Variants in COL6A3 observed in about 807,000 individuals in gnomAD.
The protein encoded by COL6A3 is collagen type VI alpha 3 chain.
In COL6A3, 137 loss-of-function variants were observed where a neutral mutation model predicts 274.1. The ratio of observed to expected loss-of-function variants is 0.50; its 90% CI spans 0.44 to 0.58. The LOEUF is 0.58. Ranked by LOEUF, COL6A3 falls within the 20% of genes least tolerant of loss-of-function variation. COL6A3 has a pLI of 0.00. For missense variants in COL6A3, 3,950 were observed against 4,124.9 expected (o/e 0.96, Z 1.16); for synonymous variants, 1,650 against 1,650.6 (o/e 1.00, Z 0.01).
chr2:237,394,808 G>A lies in COL6A3; in HGVS notation c.488C>T (p.Ala163Val), dbSNP rs184538194. ...HSKDGLALPS[A>V]ELKSADVNVF... is the part of the protein sequence containing the mutation. Reference sequence around the variant, plus strand: ...GTTAACATCAGCAGACTTAAGTTCCGCTGAGGGCAGAGCAAGGCCATCCTT... The same window carrying A: ...GTTAACATCAGCAGACTTAAGTTCCACTGAGGGCAGAGCAAGGCCATCCTT... Residue 163 changes from alanine (A) to valine (V), a missense_variant, in exon 3 of 44, where the codon GCG (alanine) becomes GTG (valine). Coordinates refer to ENST00000295550, the MANE Select transcript of COL6A3 (RefSeq NM_004369.4). 1.2e-5 allele frequency: 20 copies of A among 1,614,154 alleles called. No homozygotes were observed. The East Asian group carries it at 2.2e-4, about 18-fold the overall frequency.
chr2:237,337,903 A>G (rs1700633366), intron 39 of COL6A3, among the ~76,000 whole-genome samples: 1 of 152,056 alleles, frequency 6.6e-6, no homozygotes, highest in Non-Finnish European at 1.5e-5. Context: ...TTCATAGAAC[A>G]TGCACATGAC....
At chr2:237,333,661 G>T in intron 41 of COL6A3, 113 bp from the exon 42 acceptor site, 1 of 892,076 alleles carries the variant, frequency 1.1e-6, no homozygotes. Context: ...ATGTTGGGGA[G>T]TGGTGATTGA....
In COL6A3 at chr2:237,339,243, C is replaced by G. The variant is rs998326451; in HGVS notation, c.8465-126G>C. ...TAGCCCATAATTATTGTTGAATTAACTATATCAGACAAACTATGTCCAGTG... is the reference window on the plus strand; with the variant it reads ...TAGCCCATAATTATTGTTGAATTAAGTATATCAGACAAACTATGTCCAGTG... On this transcript the variant is annotated intron_variant, in intron 38 of 43. Coordinates refer to ENST00000295550, the MANE Select transcript of COL6A3 (RefSeq NM_004369.4). The G allele has an allele frequency of 1.1e-5, 8 of 720,008 alleles. No homozygotes were observed. In the African/African-American group the frequency reaches 1.4e-4, roughly 13 times the overall value. The allele number at this position is 720,008 out of a possible 1,614,324, so 44.6% of individuals were successfully genotyped here.
rs758958868 is a variant in COL6A3 at position 237,387,873 on chromosome 2, G to A, written c.1021C>T (p.Arg341Cys). Residue 341 changes from arginine to cysteine, a missense_variant, in exon 4 of 44, where the codon CGC becomes TGC. By Grantham distance (180) the Arg-to-Cys change is radical. Coordinates refer to ENST00000295550, the MANE Select transcript of COL6A3 (RefSeq NM_004369.4). Reference protein sequence around the residue: ...ENHFTRAGGSRVEEGVPQVLV... With the variant: ...ENHFTRAGGSCVEEGVPQVLV... ...ACCTGGGGAACCCCTTCCTCCACGC[G>A]GCTGCCCCCTGCCCGGGTGAAGTGG... The A allele has an allele frequency of 1.7e-5, 27 of 1,614,100 alleles. No homozygotes were observed. Among genetic ancestry groups the A allele is most frequent in the African/African-American group, 1.1e-4 (8 of 75,046 alleles).
chr2:237,362,040 G>C (rs1047934184), intron 14 of COL6A3, among the ~76,000 whole-genome samples: 1 of 152,214 alleles, frequency 6.6e-6, no homozygotes, highest in African/African-American at 2.4e-5. Flanking sequence ...TCGGGGTGCA[G>C]ATGGGAGGTC....
Position 237,368,752 on chromosome 2 carries a change from AACTC to A in COL6A3, c.4707_4710del (p.Ser1570Ter), listed in dbSNP as rs745541132. ...TCGATGTTCCGGTCTCCTACCCCTA[AACTC>A]ACAATGCCCGAGGAACGGATCACCT... On this transcript the variant is annotated frameshift_variant, in exon 10 of 44. Coordinates refer to ENST00000295550, the MANE Select transcript of COL6A3 (RefSeq NM_004369.4). LOFTEE classifies it high-confidence loss of function. The surrounding 1 kb of genome is among the most constrained non-coding windows in gnomAD (Gnocchi z 4.4). The A allele has an allele frequency of 6.2e-7, 1 of 1,614,122 alleles. No individual in the cohort carries two copies. The highest frequency in any genetic ancestry group is 1.7e-5 in the Admixed American group (1 of 60,022).
chr2:237,338,938 A>T (rs1700685904), intron 39 of COL6A3, 77 bp downstream of exon 39: 1 of 1,112,010 alleles, frequency 9.0e-7, no homozygotes, highest in African/African-American at 1.5e-5. Context: ...TCATCCCATA[A>T]AGTCAGGAGG....
At chr2:237,362,897 T>G (rs1574981850) in intron 14 of COL6A3, among the ~76,000 whole-genome samples, 1 of 152,204 alleles carries the variant, frequency 6.6e-6, no homozygotes, top group Non-Finnish European at 1.5e-5. Context: ...AGATTTCAGA[T>G]GCTCTTGACA....
rs759514583 is a variant in COL6A3 at position 237,325,646 on chromosome 2, C to T, written c.9407G>A (p.Ser3136Asn). The change falls in exon 43 of 44, where the codon AGC becomes AAC. Residue 3136 changes from serine (S) to asparagine (N), a missense_variant. Transcript: ENST00000295550. The part of the protein sequence containing the change: ...LKWYYDPNTK[S>N]CARFWYGGCG... The stretch of plus-strand genomic sequence containing the variant: ...ACCTCCATACCAGAATCTTGCACAG[C>T]TTTTGGTGTTTGGATCATAGTACCA... 3 of 1,614,068 alleles carry T rather than the reference C, an allele frequency of 1.9e-6. No individual in the cohort carries two copies. Among genetic ancestry groups the T allele is most frequent in the Admixed American group, 3.3e-5 (2 of 60,026 alleles).
intron 10 of COL6A3, 32 bp from the exon 11 acceptor site, chr2:237,367,318 A>G (rs1217181618): frequency 1.3e-6 from 2 of 1,598,940 alleles, no homozygotes; most frequent in Non-Finnish European, 8.5e-7. Flanking sequence ...ATAAGGAGAG[A>G]TTAGGTTTCC....
chr2:237,324,969 C>T (rs1285292620), intron 43 of COL6A3, among the ~76,000 whole-genome samples, 155 bp from the exon 44 acceptor site: 1 of 152,084 alleles, frequency 6.6e-6, no homozygotes, highest in Non-Finnish European at 1.5e-5. Flanking sequence ...TACTCAGTAC[C>T]ATCAAAGGCC....
At chr2:237,391,312 T>C (rs1483379106) in intron 3 of COL6A3, among the ~76,000 whole-genome samples, 1 of 152,218 alleles carries the variant, frequency 6.6e-6, no homozygotes, top group African/African-American at 2.4e-5. Context: ...AGATGCTTTC[T>C]TGGCATAAAA....
At position 237,387,573 on chromosome 2, in the gene COL6A3, G is replaced by A. The variant is rs767480741; in HGVS notation, c.1312+9C>T. On this transcript the variant is annotated intron_variant, in intron 4 of 43. Transcript: ENST00000295550. ...ACTCCCACACAGATGGTGAGAAGAGGATACATACCTTGTGTGACAATGGTT... is the reference window on the plus strand; with the variant it reads ...ACTCCCACACAGATGGTGAGAAGAGAATACATACCTTGTGTGACAATGGTT... The A allele has an allele frequency of 6.2e-7, 1 of 1,613,916 alleles. No individual in the cohort carries two copies. Among genetic ancestry groups the A allele is most frequent in the Non-Finnish European group, 8.5e-7 (1 of 1,179,978 alleles).
Position 237,374,933 on chromosome 2 carries a change from C to T in COL6A3, c.3158G>A (p.Arg1053Lys). Residue 1053 changes from arginine (R) to lysine (K), a missense_variant, in exon 8 of 44, where the codon AGA becomes AAA. Physicochemically the swap from Arg to Lys is conservative, Grantham distance 26. This residue lies in a region of COL6A3 where 1,934 missense variants were observed against 1,984.3 expected (regional missense o/e 0.97). Coordinates refer to ENST00000295550, the MANE Select transcript of COL6A3 (RefSeq NM_004369.4). The surrounding 1 kb of genome is among the most constrained non-coding windows in gnomAD (Gnocchi z 4.8). ...GCCCACATCCAGGCTTTCCACCACT[C>T]TCTGGACAAACTCTTTCAACAGAGG... The part of the protein sequence containing the change: ...GFPLLKEFVQ[R>K]VVESLDVGQD... The T allele has an allele frequency of 6.2e-7, 1 of 1,614,000 alleles. No individual in the cohort carries two copies. Among genetic ancestry groups the T allele is most frequent in the South Asian group, 1.1e-5 (1 of 91,068 alleles).
At chr2:237,386,363 A>T (rs1458327543) in intron 4 of COL6A3, 1 of 152,254 alleles carries the variant, frequency 6.6e-6, no homozygotes, top group Admixed American at 6.5e-5. Flanking sequence ...GGTTATTTTT[A>T]AATTATTTTC....
intron 1 of COL6A3, among the ~76,000 whole-genome samples, chr2:237,402,979 G>C (rs1424769384): frequency 6.6e-6 from 1 of 152,192 alleles, no homozygotes; most frequent in Non-Finnish European, 1.5e-5. Flanking sequence ...CCTGAAGATT[G>C]ATAGCAGAGG....
chr2:237,335,028 T>G (rs558180105), intron 40 of COL6A3, 139 bp from the exon 41 acceptor site: 1 of 927,276 alleles, frequency 1.1e-6, no homozygotes, highest in East Asian at 2.6e-5. Context: ...AACTAATTTC[T>G]TGTTCAAGCC....
In COL6A3 at chr2:237,407,820, A is replaced by T. The variant is rs904573912; in HGVS notation, c.-31+6133T>A. On this transcript the variant is annotated intron_variant, in intron 1 of 43. Coordinates refer to ENST00000295550, the MANE Select transcript of COL6A3 (RefSeq NM_004369.4). The surrounding 1 kb of genome is among the most constrained non-coding windows in gnomAD (Gnocchi z 4.3). ...TTTGTCTGCACTTATACTGCTAATT[A>T]TAAACATCAGGCAGAGACTAGTTCC... is the stretch of plus-strand genomic sequence containing the variant. Among the ~76,000 whole-genome samples the T allele has an allele frequency of 2.0e-5, 3 of 152,252 alleles. No homozygotes were observed. The highest frequency in any genetic ancestry group is 7.2e-5 in the African/African-American group (3 of 41,478).
intron 1 of COL6A3, among the ~76,000 whole-genome samples, chr2:237,409,959 TC>T (rs1171469510): frequency 1.3e-5 from 2 of 152,156 alleles, no homozygotes; most frequent in Non-Finnish European, 2.9e-5. Flanking sequence ...CAAAGATGCC[TC>T]CTTTGATGGC....
Sources: gnomAD v4.1 joint callset for allele counts (sites outside exome capture counted in the v4.1 genomes callset) on GRCh38, gnomAD v4.1.1 for gene constraint, gnomAD v4.1.1 regional missense constraint, Gnocchi (gnomAD v3.1) non-coding constraint, MANE v1.5 for transcripts, NCBI Gene and HGNC (gene_info 2026-07-23, HGNC 2026-07-21) for gene names.